Variants in MCC observed in about 807,000 individuals in gnomAD.
MCC encodes the protein colorectal mutant cancer protein.
MCC carries 90 observed loss-of-function variants against 116.2 expected under a neutral mutation model. The observed-to-expected ratio is 0.77, with a 90% CI of 0.65 to 0.92. MCC has a LOEUF of 0.92. Ranked by LOEUF, MCC falls within the 40% of genes least tolerant of loss-of-function variation. MCC has a pLI of 0.00. For synonymous variants in MCC, 578 were observed against 510.5 expected, an observed-to-expected ratio of 1.13 and a Z score of -1.78; for missense variants, 1,516 against 1,312.2, an observed-to-expected ratio of 1.16 and a Z score of -2.40.
At chr5:113,081,747 T>C (rs1360063913) in intron 11 of MCC, among the ~76,000 whole-genome samples, 5 of 144,896 alleles carry the variant, frequency 3.5e-5, no homozygotes, top group African/African-American at 1.3e-4. Context: ...AAGGAAACCA[T>C]TTAATTTCAA....
At chr5:113,223,321 T>C (rs145283633) in intron 3 of MCC, among the ~76,000 whole-genome samples, 20 of 152,274 alleles carry the variant, frequency 1.3e-4, no homozygotes, top group African/African-American at 4.1e-4. Context: ...ACAAACAAAG[T>C]TGGGTTTTTG....
chr5:113,026,468 CCT>C lies in MCC; in HGVS notation c.*832_*833del, dbSNP rs1316886869. On this transcript the variant is annotated 3_prime_UTR_variant, in exon 19 of 19. Transcript: ENST00000408903. ...ATGTTTCTCAGCTCTTGAAGAAACC[CCT>C]GACAGAATTTTAGTTCCACTACAGG... is the stretch of plus-strand genomic sequence containing the variant. The C allele has an allele frequency of 6.6e-6, 1 of 152,140 alleles. No homozygotes were observed. Among genetic ancestry groups the C allele is most frequent in the Admixed American group, 6.5e-5 (1 of 15,282 alleles). The allele number at this position is 152,140 out of a possible 1,614,324, so 9.4% of individuals were successfully genotyped here. A position where few individuals can be genotyped will look rare whatever the true frequency, so the allele number is the denominator to read the frequency against.
intron 3 of MCC, among the ~76,000 whole-genome samples, chr5:113,257,550 T>C (rs1023817742): frequency 6.6e-6 from 1 of 152,114 alleles, no homozygotes. Context: ...GGGTCTTTGT[T>C]GACCTTGGAG....
chr5:113,099,687 A>G (rs1013181406), intron 8 of MCC, among the ~76,000 whole-genome samples: 2 of 152,228 alleles, frequency 1.3e-5, no homozygotes, highest in African/African-American at 4.8e-5. Flanking sequence ...CTGGCTCCAG[A>G]GCCCTGGTAC....
At chr5:113,225,329 C>A (rs1763693581) in intron 3 of MCC, among the ~76,000 whole-genome samples, 1 of 152,144 alleles carries the variant, frequency 6.6e-6, no homozygotes, top group Admixed American at 6.5e-5. Flanking sequence ...TCCAATCCAC[C>A]CAGGCAGTCA....
chr5:113,172,194 A>T (rs1222352133), intron 3 of MCC, among the ~76,000 whole-genome samples: 1 of 152,196 alleles, frequency 6.6e-6, no homozygotes, highest in Admixed American at 6.5e-5. Context: ...ATATTGATCA[A>T]GTCTCACTGG....
intron 8 of MCC, among the ~76,000 whole-genome samples, chr5:113,096,529 T>C (rs1756032149): frequency 6.6e-6 from 1 of 152,214 alleles, no homozygotes; most frequent in African/African-American, 2.4e-5. Flanking sequence ...TCAAAGCATG[T>C]AAATCAGCTG....
In MCC at chr5:113,111,081, A is replaced by G. The variant is rs78690223; in HGVS notation, c.1028-6726T>C. 4.8e-3 allele frequency among the ~76,000 whole-genome samples: 732 copies of G among 152,348 alleles called. 5 individuals carry two copies. The highest frequency in any genetic ancestry group is 0.016 in the African/African-American group (676 of 41,562). ...CAGTTGGCCTCCTGATAAGAGCTCA[A>G]TAATACACAGCTCAGGTTATATTTT... On this transcript the variant is annotated intron_variant, in intron 6 of 18. Coordinates refer to ENST00000408903, the MANE Select transcript of MCC (RefSeq NM_001085377.2).
intron 3 of MCC, chr5:113,294,265 AG>A (rs1766628448): frequency 1.2e-6 from 2 of 1,604,374 alleles, no homozygotes; most frequent in African/African-American, 1.3e-5. Flanking sequence ...GGTCGAGGGG[AG>A]GGGGATTTGT....
chr5:113,091,581 T>C (rs947575916), intron 8 of MCC, among the ~76,000 whole-genome samples: 1 of 152,064 alleles, frequency 6.6e-6, no homozygotes, highest in African/African-American at 2.4e-5. Context: ...AGACACCAAA[T>C]CTTAAAAGCC....
intron 10 of MCC, among the ~76,000 whole-genome samples, chr5:113,083,760 T>G (rs957984896): frequency 1.3e-4 from 20 of 152,134 alleles, no homozygotes; most frequent in Non-Finnish European, 2.2e-4. Flanking sequence ...AAGACAAAGT[T>G]ATTTTAGAGC....
chr5:113,080,226 A>C (rs1561789294), intron 11 of MCC, among the ~76,000 whole-genome samples: 1 of 152,358 alleles, frequency 6.6e-6, no homozygotes. Context: ...TAGTTCAACC[A>C]TTGTGGAAGA....
intron 3 of MCC, among the ~76,000 whole-genome samples, chr5:113,172,204 G>T (rs1290283405): frequency 6.6e-6 from 1 of 152,120 alleles, no homozygotes; most frequent in Non-Finnish European, 1.5e-5. Context: ...AGTCTCACTG[G>T]ATCACTTAAG....
chr5:113,299,320 A>T (rs1766795347), intron 3 of MCC, among the ~76,000 whole-genome samples: 1 of 69,350 alleles, frequency 1.4e-5, no homozygotes, highest in Non-Finnish European at 3.0e-5. Context: ...AAAAAAAAAA[A>T]AAAAAAAAAA....
chr5:113,194,141 G>C (rs1270329231), intron 3 of MCC, among the ~76,000 whole-genome samples: 5 of 152,168 alleles, frequency 3.3e-5, no homozygotes, highest in Non-Finnish European at 7.3e-5. Flanking sequence ...GTCTAGTCCT[G>C]TGATTGGCGG....
chr5:113,124,087 A>T (rs1287779275), intron 5 of MCC, among the ~76,000 whole-genome samples: 1 of 152,252 alleles, frequency 6.6e-6, no homozygotes, highest in Non-Finnish European at 1.5e-5. Flanking sequence ...CCCGTGCTTT[A>T]TAAGGTATTG....
At chr5:113,284,652 G>C (rs1186573264) in intron 3 of MCC, among the ~76,000 whole-genome samples, 1 of 152,132 alleles carries the variant, frequency 6.6e-6, no homozygotes, top group Non-Finnish European at 1.5e-5. Flanking sequence ...CATGCAAATG[G>C]TTAGGACAAG....
intron 1 of MCC, among the ~76,000 whole-genome samples, chr5:113,439,968 C>A (rs79701404): frequency 0.032 from 4,884 of 152,198 alleles, 107 homozygotes; most frequent in East Asian, 0.076. Flanking sequence ...GGCCTCAAGA[C>A]CTCACTGTAG....
chr5:113,411,505 T>C (rs181933523), intron 1 of MCC, among the ~76,000 whole-genome samples: 105 of 152,308 alleles, frequency 6.9e-4, no homozygotes, highest in Non-Finnish European at 1.2e-4. Context: ...TTCTGGATAT[T>C]AGACATTTGT....
Sources: gnomAD v4.1 joint callset for allele counts (sites outside exome capture counted in the v4.1 genomes callset) on GRCh38, gnomAD v4.1.1 for gene constraint, MANE v1.5 for transcripts, NCBI Gene and HGNC (gene_info 2026-07-23, HGNC 2026-07-21) for gene names.